The following MFSD11 variants were observed in gnomAD, a reference collection of about 807,000 sequenced individuals.
MFSD11 encodes the protein major facilitator superfamily domain containing 11.
MFSD11 carries 36 observed loss-of-function variants against 53.5 expected under a neutral mutation model. That is an observed-to-expected ratio of 0.67 (90% CI 0.52 to 0.89). The LOEUF (loss-of-function observed/expected upper bound fraction) is 0.89. Among genes scored for constraint, MFSD11 ranks in the 40% least tolerant of loss-of-function variants. The pLI is 0.00. For missense variants in MFSD11, 530 were observed against 543.9 expected (o/e 0.97, Z 0.25); for synonymous variants, 186 against 184.9 (o/e 1.01, Z -0.05).
the MFSD11 span, among the ~76,000 whole-genome samples, chr17:76,788,790 G>A: frequency 6.7e-6 from 1 of 148,642 alleles, no homozygotes; most frequent in African/African-American, 2.5e-5. Flanking sequence ...GAGAAGGATT[G>A]CACCACTGCT....
At chr17:76,736,669 C>A, upstream of MFSD11, 2 of 1,222,116 alleles carry the variant, frequency 1.6e-6, no homozygotes, top group South Asian at 2.3e-5. Context: ...GCCGGAGGGT[C>A]GCGAGACGCG....
Position 76,778,273 on chromosome 17 carries a change from T to C in MFSD11, c.1271T>C (p.Phe424Ser). ...CTGGTCATGGTGATATTTGGGTTTT[T>C]TGGAACAATTTCTTTCTTCACTGTG... ...QLLVMVIFGF[F>S]GTISFFTVEW... Residue 424 changes from phenylalanine to serine, a missense_variant, in exon 13 of 13, where the codon TTT becomes TCT. Coordinates refer to ENST00000685175, the MANE Select transcript of MFSD11 (RefSeq NM_001242532.5). 1 of 1,614,210 alleles carries C rather than the reference T, an allele frequency of 6.2e-7. No homozygotes were observed. The highest frequency in any genetic ancestry group is 1.1e-5 in the South Asian group (1 of 91,086).
intron 6 of MFSD11, among the ~76,000 whole-genome samples, chr17:76,743,762 C>T (rs143812564): frequency 6.6e-6 from 1 of 152,024 alleles, no homozygotes; most frequent in Non-Finnish European, 1.5e-5. Context: ...GATTACAGGC[C>T]TGCACCACCA....
At position 76,744,330 on chromosome 17, in the gene MFSD11, C is replaced by T. The variant is rs1360458074; in HGVS notation, c.505C>T (p.Arg169Ter). 27 of 1,609,574 alleles carry T rather than the reference C, an allele frequency of 1.7e-5. No homozygotes were observed. In the East Asian group the frequency reaches 2.0e-4, roughly 12 times the overall value. Reference protein sequence around the residue: ...QGKTQISESDRRTVFIALTVI... With the variant: ...QGKTQISESD ...TTCTTTTTTCTCCGTAGAGAGTGACCGAAGAACAGTGTTTATTGCCCTAAC... is the reference window on the plus strand; with the variant it reads ...TTCTTTTTTCTCCGTAGAGAGTGACTGAAGAACAGTGTTTATTGCCCTAAC... Residue 169 changes from arginine to a stop codon, truncating the protein, a stop_gained, in exon 7 of 13, where the codon CGA (arginine) becomes TGA (stop). Transcript: ENST00000685175. LOFTEE classifies it high-confidence loss of function.
chr17:76,737,267 G>A (rs773081652), upstream of MFSD11: 96 of 1,411,096 alleles, frequency 6.8e-5, no homozygotes, highest in Non-Finnish European at 2.7e-5. Flanking sequence ...TGGGGACACT[G>A]GGAAAGGCCT....
At chr17:76,775,502 G>A (rs1028883341) in intron 11 of MFSD11, among the ~76,000 whole-genome samples, 1 of 152,160 alleles carries the variant, frequency 6.6e-6, no homozygotes, top group Non-Finnish European at 1.5e-5. Context: ...GAACAAAGAG[G>A]AGCGAGGGAG....
chr17:76,745,458 A>G (rs934715649), intron 7 of MFSD11: 3 of 152,148 alleles, frequency 2.0e-5, no homozygotes, highest in Non-Finnish European at 4.4e-5. Flanking sequence ...TTCTCTCCAT[A>G]CCACTTTTCC....
intron 8 of MFSD11, among the ~76,000 whole-genome samples, chr17:76,762,856 TAAACTC>T (rs2080421944): frequency 6.6e-6 from 1 of 151,444 alleles, no homozygotes; most frequent in Admixed American, 6.6e-5. Flanking sequence ...GCTATTTAGA[TAAACTC>T]CCCACATTCC....
At chr17:76,757,733 G>C (rs944033755) in intron 8 of MFSD11, among the ~76,000 whole-genome samples, 1 of 152,136 alleles carries the variant, frequency 6.6e-6, no homozygotes, top group East Asian at 1.9e-4. Context: ...TTCTCAGGCC[G>C]GGCACGGTGG....
chr17:76,756,924 G>A (rs935106108), intron 8 of MFSD11, among the ~76,000 whole-genome samples: 1 of 151,734 alleles, frequency 6.6e-6, no homozygotes, highest in Non-Finnish European at 1.5e-5. Flanking sequence ...AAGGACTCAA[G>A]CTAAACTCAT....
chr17:76,743,522 C>T (rs2078281169), intron 6 of MFSD11, 66 bp downstream of exon 6: 1 of 969,040 alleles, frequency 1.0e-6, no homozygotes, highest in Admixed American at 2.8e-5. Flanking sequence ...TATAGAAATA[C>T]CCATTATTGC....
chr17:76,738,747 T>TCC (rs950977151), intron 1 of MFSD11, among the ~76,000 whole-genome samples, 191 bp from the exon 2 acceptor site: 2 of 152,224 alleles, frequency 1.3e-5, no homozygotes, highest in African/African-American at 4.8e-5. Flanking sequence ...CTGCTTTTCC[T>TCC]CCCCCCTCCC....
intron 8 of MFSD11, among the ~76,000 whole-genome samples, chr17:76,765,062 G>A (rs934778164): frequency 6.6e-6 from 1 of 152,096 alleles, no homozygotes; most frequent in Non-Finnish European, 1.5e-5. Context: ...TGCTTTTGAT[G>A]TCCTAAGATT....
upstream of MFSD11, chr17:76,737,318 C>A: frequency 9.4e-7 from 1 of 1,065,350 alleles, no homozygotes; most frequent in Non-Finnish European, 1.3e-6. Context: ...GGCTAGCGCA[C>A]CTGAGTAACA....
intron 8 of MFSD11, among the ~76,000 whole-genome samples, chr17:76,763,350 C>T (rs998294529): frequency 6.6e-6 from 1 of 151,922 alleles, no homozygotes; most frequent in Admixed American, 6.6e-5. Context: ...CTGCAACCTC[C>T]ACCTCCCAGG....
the MFSD11 span, among the ~76,000 whole-genome samples, chr17:76,796,851 G>C: frequency 6.9e-6 from 1 of 144,586 alleles, no homozygotes; most frequent in African/African-American, 2.6e-5. Context: ...ATGGTGGCAC[G>C]AGCCTGTAGC....
the MFSD11 span, among the ~76,000 whole-genome samples, chr17:76,801,176 G>C: frequency 6.6e-6 from 1 of 151,788 alleles, no homozygotes; most frequent in Non-Finnish European, 1.5e-5. Context: ...TGGATCACTT[G>C]AGGCCCGGAG....
intron 2 of MFSD11, among the ~76,000 whole-genome samples, chr17:76,740,709 T>TA (rs1439203288): frequency 1.3e-5 from 2 of 152,200 alleles, no homozygotes; most frequent in African/African-American, 4.8e-5. Flanking sequence ...TACTATGACT[T>TA]ACCAGTATGT....
rs567481103 is a variant in MFSD11 at position 76,775,103 on chromosome 17, C to T, written c.981C>T (p.Leu327=). The T allele has an allele frequency of 1.2e-6, 2 of 1,614,054 alleles. No homozygotes were observed. Among genetic ancestry groups the T allele is most frequent in the African/African-American group, 2.7e-5 (2 of 75,034 alleles). The change falls in exon 11 of 13, where the codon CTC becomes CTT. Residue 327 remains leucine, a synonymous_variant. Transcript: ENST00000685175. Reference sequence around the variant, plus strand: ...TCATAGCTTTTTATCTAATATTTCTCAACATGCCTGGAGATGCCCCGATTG... The same window carrying T: ...TCATAGCTTTTTATCTAATATTTCTTAACATGCCTGGAGATGCCCCGATTG... ...VHFIAFYLIF[L]NMPGDAPIAP...
Sources: allele counts gnomAD v4.1 joint callset (sites outside exome capture counted in the v4.1 genomes callset), GRCh38; gene constraint gnomAD v4.1.1; transcripts MANE v1.5; gene names NCBI Gene and HGNC (gene_info 2026-07-23, HGNC 2026-07-21).